Variants in CAAP1 observed in about 807,000 individuals in gnomAD.
CAAP1 encodes the protein conserved anti-apoptotic protein.
CAAP1 carries 20 observed loss-of-function variants against 34.0 expected under a neutral mutation model. The ratio of observed to expected loss-of-function variants is 0.59; its 90% CI spans 0.41 to 0.86. The LOEUF is 0.86. Ranked by LOEUF, CAAP1 falls within the 40% of genes least tolerant of loss-of-function variation. The pLI is 0.00. For missense variants in CAAP1, 538 were observed against 450.5 expected, an observed-to-expected ratio of 1.19 and a Z score of -1.76; for synonymous variants, 213 against 166.7, an observed-to-expected ratio of 1.28 and a Z score of -2.14.
chr9:26,891,801 G>A (rs532932372), intron 1 of CAAP1, among the ~76,000 whole-genome samples: 6 of 152,276 alleles, frequency 3.9e-5, no homozygotes, highest in Admixed American at 1.3e-4. Context: ...CAAGAAAAGG[G>A]ACTTGACGCT....
chr9:26,885,287 AG>A (rs1823709485), intron 3 of CAAP1, among the ~76,000 whole-genome samples: 1 of 151,652 alleles, frequency 6.6e-6, no homozygotes, highest in Non-Finnish European at 1.5e-5. Flanking sequence ...ATGTTGGCCA[AG>A]CTGGTCTCGA....
intron 4 of CAAP1, among the ~76,000 whole-genome samples, chr9:26,881,215 C>G (rs1199195452): frequency 6.6e-6 from 1 of 152,178 alleles, no homozygotes; most frequent in Admixed American, 6.5e-5. Context: ...CTCAGGTGAT[C>G]CTCTCAACCT....
Position 26,842,340 on chromosome 9 carries a change from T to C in CAAP1, c.1047A>G (p.Lys349=). 1.2e-6 allele frequency: 2 copies of C among 1,604,418 alleles called. No individual in the cohort carries two copies. Among genetic ancestry groups the C allele is most frequent in the Non-Finnish European group, 1.7e-6 (2 of 1,176,970 alleles). ...LELEMRARAI[K]ALMKAGDIKK... is the part of the protein sequence containing the mutation. ...TTATATCACCAGCTTTCATTAGGGC[T>C]TTAATCGCTCTTGCCCTCATCTCAA... Residue 349 remains lysine (K), a synonymous_variant, in exon 6 of 6, where the codon AAA becomes AAG. Transcript: ENST00000333916.
rs1554649570 is a variant in CAAP1, at chr9:26,847,198, A to ATATTTTTT, written c.740-4552_740-4551insAAAAAATA. Reference sequence around the variant, plus strand: ...TTTTTACTAGTAAGTAAAAAGCAATATTTTTTTTTTTTTTTTTTTTTTTTT... The same window carrying ATATTTTTT: ...TTTTTACTAGTAAGTAAAAAGCAATATATTTTTTTTTTTTTTTTTTTTTTTTTTTTTTT... On this transcript the variant is annotated intron_variant, in intron 5 of 5. Transcript: ENST00000333916. Among the ~76,000 whole-genome samples, 31 of 34,752 alleles carry ATATTTTTT rather than the reference A, an allele frequency of 8.9e-4. 1 individual carries two copies. Among genetic ancestry groups the ATATTTTTT allele is most frequent in the African/African-American group, 3.6e-3 (31 of 8,536 alleles). 22.8% of individuals were successfully genotyped at this position (34,752 alleles called of 152,430 possible). A position where few individuals can be genotyped will look rare whatever the true frequency, so the allele number is the denominator to read the frequency against.
In CAAP1 at chr9:26,892,780, T is replaced by C. The variant is rs1296959076; in HGVS notation, c.-65A>G. ...TCTGGTGCGACCGAAGCCCGACTCC[T>C]GCGGCCGTGGGCGGCAGGCACTGGC... On this transcript the variant is annotated 5_prime_UTR_variant, in exon 1 of 6. Transcript: ENST00000333916. 1.4e-6 allele frequency: 2 copies of C among 1,469,412 alleles called. No individual in the cohort carries two copies. Among genetic ancestry groups the C allele is most frequent in the South Asian group, 1.3e-5 (1 of 75,156 alleles). The allele number at this position is 1,469,412 out of a possible 1,614,324, so 91.0% of individuals were successfully genotyped here.
intron 5 of CAAP1, among the ~76,000 whole-genome samples, chr9:26,859,047 C>T (rs1471237143): frequency 6.7e-6 from 1 of 149,356 alleles, no homozygotes; most frequent in Non-Finnish European, 1.5e-5. Context: ...ATTTGCTAAT[C>T]ATTTAGTCAC....
intron 5 of CAAP1, among the ~76,000 whole-genome samples, chr9:26,858,496 T>C (rs927340022): frequency 1.3e-5 from 2 of 152,198 alleles, no homozygotes; most frequent in Non-Finnish European, 2.9e-5. Context: ...TAGATATTCT[T>C]CTAAAAGACT....
At chr9:26,890,547 G>A (rs1464421291) in intron 1 of CAAP1, among the ~76,000 whole-genome samples, 2 of 151,932 alleles carry the variant, frequency 1.3e-5, no homozygotes, top group South Asian at 2.1e-4. Flanking sequence ...AAATATTTGA[G>A]AAGAAAATAT....
At chr9:26,865,590 C>T (rs1316954670) in intron 4 of CAAP1, among the ~76,000 whole-genome samples, 1 of 152,008 alleles carries the variant, frequency 6.6e-6, no homozygotes, top group East Asian at 1.9e-4. Context: ...GGGGGAAATC[C>T]CCAATACTCA....
chr9:26,889,867 CA>C (rs1028187218), intron 1 of CAAP1, among the ~76,000 whole-genome samples: 161 of 51,320 alleles, frequency 3.1e-3, no homozygotes, highest in East Asian at 8.4e-3. Context: ...GACTCTGTCT[CA>C]AAAAAAAAAA....
In CAAP1 at chr9:26,892,543, GCGTTCC is replaced by G; in HGVS notation, c.167_172del (p.Gly56_Asn57del). 1 of 1,578,278 alleles carries G rather than the reference GCGTTCC, an allele frequency of 6.3e-7. No individual in the cohort carries two copies. The highest frequency in any genetic ancestry group is 8.6e-7 in the Non-Finnish European group (1 of 1,162,320). ...GCCGGTGACACTTCCACTAAAATTG[GCGTTCC>G]CACAGCAGCTGACGCTCCCGCAGCC... On this transcript the variant is annotated inframe_deletion, in exon 1 of 6. Coordinates refer to ENST00000333916, the MANE Select transcript of CAAP1 (RefSeq NM_024828.4).
chr9:26,842,574 G>A lies in CAAP1; in HGVS notation c.813C>T (p.Asn271=), dbSNP rs146970170. ...GTGCCTCGGGAGCAGCTGCTTCTTC[G>A]TTGCATGGGCCTTCTATGTCGCTGT... ...AYDSDIEGPC[N]EEAAAPEAPE... The change falls in exon 6 of 6, where the codon AAC becomes AAT. Residue 271 remains asparagine (N), a synonymous_variant. Coordinates refer to ENST00000333916, the MANE Select transcript of CAAP1 (RefSeq NM_024828.4). 95 of 1,614,058 alleles carry A rather than the reference G, an allele frequency of 5.9e-5. No individual in the cohort carries two copies. Among genetic ancestry groups the A allele is most frequent in the African/African-American group, 3.9e-4 (29 of 75,010 alleles).
chr9:26,881,273 C>G (rs115956852), intron 4 of CAAP1, among the ~76,000 whole-genome samples: 4,712 of 152,278 alleles, frequency 0.031, 91 homozygotes, highest in Middle Eastern at 0.058. Flanking sequence ...CATGCACAGT[C>G]GTTGTTGTAA....
Position 26,892,457 on chromosome 9 carries a change from G to T in CAAP1, c.259C>A (p.Arg87=). The T allele has an allele frequency of 3.2e-6, 5 of 1,577,546 alleles. No homozygotes were observed. The highest frequency in any genetic ancestry group is 3.4e-6 in the Non-Finnish European group (4 of 1,163,134). ...ACGCTGGAAGAGTCGGTACTCCTCC[G>T]CTTCCGGCGCTCGCTGCGCTCCACG... The part of the protein sequence containing the change: ...SSVERSERRK[R]RSTDSSSVSG... Residue 87 remains arginine, a synonymous_variant, in exon 1 of 6, where the codon CGG becomes AGG. Transcript: ENST00000333916.
intron 5 of CAAP1, among the ~76,000 whole-genome samples, chr9:26,858,714 T>C (rs1822934360): frequency 2.6e-5 from 4 of 151,890 alleles, no homozygotes; most frequent in African/African-American, 9.7e-5. Flanking sequence ...TCCCAGCTAC[T>C]TGGGAGGCTG....
intron 5 of CAAP1, 145 bp from the exon 6 acceptor site, chr9:26,842,792 T>A: frequency 1.6e-6 from 1 of 611,204 alleles, no homozygotes; most frequent in Non-Finnish European, 2.8e-6. Context: ...GCCACCCTCT[T>A]TTCCCCTGAC....
Position 26,892,797 on chromosome 9 carries a change from G to T in CAAP1, c.-82C>A. Reference sequence around the variant, plus strand: ...CCGACTCCTGCGGCCGTGGGCGGCAGGCACTGGCGTCGCAGGTTATGCGTC... The same window carrying T: ...CCGACTCCTGCGGCCGTGGGCGGCATGCACTGGCGTCGCAGGTTATGCGTC... On this transcript the variant is annotated 5_prime_UTR_variant, in exon 1 of 6. It adds an upstream start codon to the 5' untranslated region. Coordinates refer to ENST00000333916, the MANE Select transcript of CAAP1 (RefSeq NM_024828.4). The T allele has an allele frequency of 7.3e-7, 1 of 1,364,194 alleles. No homozygotes were observed. Among genetic ancestry groups the T allele is most frequent in the Non-Finnish European group, 9.9e-7 (1 of 1,013,914 alleles). 84.5% of individuals were successfully genotyped at this position (1,364,194 alleles called of 1,614,324 possible). A position where few individuals can be genotyped will look rare whatever the true frequency, so the allele number is the denominator to read the frequency against.
At position 26,888,557 on chromosome 9, in the gene CAAP1, A is replaced by G. The variant is rs575118139; in HGVS notation, c.304-1044T>C. 6.6e-5 allele frequency among the ~76,000 whole-genome samples: 10 copies of G among 152,356 alleles called. No homozygotes were observed. In the South Asian group the frequency reaches 2.1e-3, roughly 32 times the overall value. On this transcript the variant is annotated intron_variant, in intron 1 of 5. Coordinates refer to ENST00000333916, the MANE Select transcript of CAAP1 (RefSeq NM_024828.4). ...TTTTAAAATGGGTCAGTTTTAATGA[A>G]CACTATGATAATTAGACTGAAAAAG...
At chr9:26,880,200 C>A in intron 4 of CAAP1, 1 of 332,098 alleles carries the variant, frequency 3.0e-6, no homozygotes, top group Non-Finnish European at 5.8e-6. Flanking sequence ...AATTGTTATA[C>A]ATTTGGCATG....
Sources: allele counts gnomAD v4.1 joint callset (sites outside exome capture counted in the v4.1 genomes callset), GRCh38; gene constraint gnomAD v4.1.1; transcripts MANE v1.5; gene names NCBI Gene and HGNC (gene_info 2026-07-23, HGNC 2026-07-21).